MAGI2: variants seen among roughly 807,000 people sequenced by gnomAD.
MAGI2 encodes the protein membrane associated guanylate kinase, WW and PDZ domain containing 2, also known as membrane-associated guanylate kinase, WW and PDZ domain-containing protein 2.
A neutral mutation model predicts 133.3 loss-of-function variants in MAGI2; 35 were observed. That is an observed-to-expected ratio of 0.26 (90% CI 0.20 to 0.35). The LOEUF (loss-of-function observed/expected upper bound fraction) is 0.35, where lower values mean the gene tolerates loss of function less well. Ranked by LOEUF, MAGI2 falls within the 10% of genes least tolerant of loss-of-function variation. The pLI, the probability that MAGI2 is intolerant of heterozygous loss-of-function variation, is 1.00. For synonymous variants in MAGI2, 729 were observed against 710.6 expected (o/e 1.03, Z -0.41); for missense variants, 1,636 against 1,863.4 (o/e 0.88, Z 2.25).
chr7:79,436,381 A>G (rs928391554), intron 1 of MAGI2, among the ~76,000 whole-genome samples: 2 of 152,202 alleles, frequency 1.3e-5, no homozygotes, highest in Non-Finnish European at 2.9e-5. Flanking sequence ...GAGCTTGTGC[A>G]TAGCAAAAGG....
chr7:79,219,950 C>G (rs527815502), intron 1 of MAGI2, among the ~76,000 whole-genome samples: 2 of 151,902 alleles, frequency 1.3e-5, no homozygotes, highest in Non-Finnish European at 2.9e-5. Context: ...ATAATACACA[C>G]GATTTTTTTT....
At chr7:78,770,158 T>C (rs1170850725) in intron 2 of MAGI2, among the ~76,000 whole-genome samples, 1 of 152,198 alleles carries the variant, frequency 6.6e-6, no homozygotes, top group Non-Finnish European at 1.5e-5. Flanking sequence ...AGACACTCTA[T>C]CTGCACAGCA....
chr7:78,602,062 T>C (rs543569738), intron 3 of MAGI2, among the ~76,000 whole-genome samples: 2 of 152,360 alleles, frequency 1.3e-5, no homozygotes, highest in African/African-American at 4.8e-5. Context: ...TTCAGAAGTC[T>C]ACTATTTCAG....
chr7:78,246,035 G>A (rs1158549117), intron 10 of MAGI2, among the ~76,000 whole-genome samples: 2 of 152,126 alleles, frequency 1.3e-5, no homozygotes, highest in Admixed American at 6.5e-5. Flanking sequence ...CCTACCCTGT[G>A]AGGCCAAGCT....
chr7:78,102,978 G>T (rs1818337199), intron 20 of MAGI2, among the ~76,000 whole-genome samples: 1 of 152,156 alleles, frequency 6.6e-6, no homozygotes, highest in Non-Finnish European at 1.5e-5. Context: ...ATGATAAAAA[G>T]GCACTTGGGG....
At chr7:78,973,548 C>CT (rs1240966857) in intron 2 of MAGI2, among the ~76,000 whole-genome samples, 6,721 of 144,922 alleles carry the variant, frequency 0.046, 423 homozygotes, top group African/African-American at 0.15. Context: ...CTGCAAGAGA[C>CT]TTTTTTTTTT....
At chr7:78,603,161 ATAATG>A in intron 3 of MAGI2, among the ~76,000 whole-genome samples, 1 of 152,338 alleles carries the variant, frequency 6.6e-6, no homozygotes, top group Admixed American at 6.5e-5. Flanking sequence ...AAGAAAACTG[ATAATG>A]TAAAGTACTA....
chr7:78,062,461 C>A (rs539242228), intron 21 of MAGI2, among the ~76,000 whole-genome samples: 1 of 152,384 alleles, frequency 6.6e-6, no homozygotes, highest in East Asian at 1.9e-4. Context: ...CCCAGCCTAT[C>A]TCTGGGTGGT....
At chr7:78,378,888 A>G (rs1794682105) in intron 6 of MAGI2, among the ~76,000 whole-genome samples, 2 of 152,084 alleles carry the variant, frequency 1.3e-5, no homozygotes, top group Non-Finnish European at 2.9e-5. Context: ...AATATAATTT[A>G]AAAAGAGAGG....
chr7:78,692,921 G>C, intron 2 of MAGI2, among the ~76,000 whole-genome samples: 1 of 152,036 alleles, frequency 6.6e-6, no homozygotes, highest in Admixed American at 6.6e-5. Flanking sequence ...AAAGAAAAAG[G>C]ATTTTGCAAC....
intron 2 of MAGI2, among the ~76,000 whole-genome samples, chr7:78,798,525 T>C (rs1787800075): frequency 6.6e-6 from 1 of 152,158 alleles, no homozygotes; most frequent in African/African-American, 2.4e-5. Flanking sequence ...ATGGGCTACA[T>C]GGTCCTGCTG....
chr7:79,034,906 T>C (rs563602999), intron 1 of MAGI2, among the ~76,000 whole-genome samples: 1 of 152,346 alleles, frequency 6.6e-6, no homozygotes, highest in African/African-American at 2.4e-5. Context: ...TCAAGAAAGA[T>C]GAATTTCTTA....
At chr7:79,438,598 T>C (rs1445375480) in intron 1 of MAGI2, among the ~76,000 whole-genome samples, 1 of 152,098 alleles carries the variant, frequency 6.6e-6, no homozygotes, top group Non-Finnish European at 1.5e-5. Context: ...GGCATCTTCA[T>C]CTCCTTCACA....
intron 21 of MAGI2, among the ~76,000 whole-genome samples, chr7:78,052,235 A>T (rs1373524806): frequency 6.6e-6 from 1 of 151,944 alleles, no homozygotes; most frequent in Non-Finnish European, 1.5e-5. Context: ...AGGGCCTGGG[A>T]GGTGTTTGGG....
intron 1 of MAGI2, among the ~76,000 whole-genome samples, chr7:79,029,044 C>T (rs1810305821): frequency 6.6e-6 from 1 of 152,000 alleles, no homozygotes; most frequent in Non-Finnish European, 1.5e-5. Context: ...GCCAAGTATC[C>T]TTAGAATTTT....
chr7:79,234,778 C>G (rs961810645), intron 1 of MAGI2, among the ~76,000 whole-genome samples: 1 of 150,788 alleles, frequency 6.6e-6, no homozygotes, highest in Non-Finnish European at 1.5e-5. Flanking sequence ...TCGTCTGAAG[C>G]CTTCTTCTCT....
chr7:78,095,010 C>T (rs1300070762), intron 20 of MAGI2, among the ~76,000 whole-genome samples: 2 of 152,124 alleles, frequency 1.3e-5, no homozygotes, highest in Non-Finnish European at 2.9e-5. Flanking sequence ...GTATGAGGGA[C>T]AACATACCCT....
chr7:79,306,999 T>G (rs12536811), intron 1 of MAGI2, among the ~76,000 whole-genome samples: 88,472 of 151,872 alleles, frequency 0.58, 27,566 homozygotes, highest in Non-Finnish European at 0.69. Context: ...TCTTTTTCTT[T>G]TTTGTATTTT....
chr7:79,073,055 A>C lies in MAGI2; in HGVS notation c.302-65849T>G, dbSNP rs191200552. Reference sequence around the variant, plus strand: ...CAAAAACAAACAACAACAACAACAAAAAAAACAAAGGCTAAGAGAGATGCT... The same window carrying C: ...CAAAAACAAACAACAACAACAACAACAAAAACAAAGGCTAAGAGAGATGCT... On this transcript the variant is annotated intron_variant, in intron 1 of 21. Coordinates refer to ENST00000354212, the MANE Select transcript of MAGI2 (RefSeq NM_012301.4). Among the ~76,000 whole-genome samples the C allele has an allele frequency of 2.2e-4, 33 of 152,304 alleles. 1 individual carries two copies. The highest frequency in any genetic ancestry group is 2.4e-4 in the African/African-American group (10 of 41,562).
Sources: allele counts gnomAD v4.1 joint callset (sites outside exome capture counted in the v4.1 genomes callset), GRCh38; gene constraint gnomAD v4.1.1; transcripts MANE v1.5; gene names NCBI Gene and HGNC (gene_info 2026-07-23, HGNC 2026-07-21).